Variants in ZC4H2 observed in about 807,000 individuals in gnomAD.
ZC4H2 encodes zinc finger C4H2 domain-containing protein.
For synonymous variants in ZC4H2, 84 were observed against 66.3 expected (o/e 1.27, Z -1.30); for missense variants, 137 against 173.9 (o/e 0.79, Z 1.19).
intron 1 of ZC4H2, among the ~76,000 whole-genome samples, chrX:65,017,640 C>T (rs1238436404): frequency 8.9e-6 from 1 of 111,946 alleles, no homozygotes; most frequent in Non-Finnish European, 1.9e-5. Context: ...TGTTTTCCTT[C>T]AGCAGCTGCA....
rs140066074 is a variant in ZC4H2, at chrX:64,939,705, G to A, written c.54-17717C>T. Among the ~76,000 whole-genome samples, 8 of 112,068 alleles carry A rather than the reference G, an allele frequency of 7.1e-5. No individual in the cohort carries two copies. The East Asian group carries it at 2.2e-3, about 31-fold the overall frequency. On this transcript the variant is annotated intron_variant, in intron 1 of 4. Coordinates refer to ENST00000374839, the MANE Select transcript of ZC4H2 (RefSeq NM_018684.4). ...GAAAGGATTCCCTATTTAATAAATG[G>A]TGTTGGCAAAACTGGCTAGCCAGAT...
At chrX:64,958,453 C>A (rs752310487) in intron 1 of ZC4H2, among the ~76,000 whole-genome samples, 1 of 111,295 alleles carries the variant, frequency 9.0e-6, no homozygotes. Flanking sequence ...TTATATTGGC[C>A]AATTTCCAAA....
At position 64,944,973 on chromosome X, in the gene ZC4H2, T is replaced by C. The variant is rs772348916; in HGVS notation, c.54-22985A>G. Among the ~76,000 whole-genome samples, 4 of 112,611 alleles carry C rather than the reference T, an allele frequency of 3.6e-5. No homozygotes were observed. The East Asian group carries it at 1.1e-3, about 32-fold the overall frequency. On this transcript the variant is annotated intron_variant, in intron 1 of 4. Transcript: ENST00000374839. Reference sequence around the variant, plus strand: ...TAAACTGGTTATTCTAGTTAGCAGTTCTTGTCAACTTTTATAAAATTTCTT... The same window carrying C: ...TAAACTGGTTATTCTAGTTAGCAGTCCTTGTCAACTTTTATAAAATTTCTT...
Position 65,021,093 on chromosome X carries a change from C to T in ZC4H2, c.-272+13536G>A, listed in dbSNP as rs6624749. On this transcript the variant is annotated intron_variant, in intron 1 of 4. Coordinates refer to the ZC4H2 transcript ENST00000337990. Reference sequence around the variant, plus strand: ...ATAATAGTGGGAGATTTTAACACCCCACTGTCAATATTAGACAGATCAATG... The same window carrying T: ...ATAATAGTGGGAGATTTTAACACCCTACTGTCAATATTAGACAGATCAATG... Among the ~76,000 whole-genome samples the T allele has an allele frequency of 2.1e-4, 23 of 110,583 alleles. No individual in the cohort carries two copies. The East Asian group carries it at 5.4e-3, about 26-fold the overall frequency.
At chrX:64,970,552 G>C (rs1931747787) in intron 1 of ZC4H2, among the ~76,000 whole-genome samples, 1 of 110,599 alleles carries the variant, frequency 9.0e-6, no homozygotes, top group African/African-American at 3.3e-5. Context: ...AAGGAAGGGA[G>C]GATATCAATT....
At chrX:65,018,427 G>T (rs1932811825) in intron 1 of ZC4H2, among the ~76,000 whole-genome samples, 1 of 112,228 alleles carries the variant, frequency 8.9e-6, no homozygotes, top group Non-Finnish European at 1.9e-5. Flanking sequence ...AGCACAAAGG[G>T]TTGGTGGATT....
chrX:64,974,645 GA>G (rs1931883290), intron 1 of ZC4H2, among the ~76,000 whole-genome samples: 2 of 111,506 alleles, frequency 1.8e-5, no homozygotes, highest in Non-Finnish European at 3.8e-5. Context: ...GTTTAGAGGT[GA>G]AAGTTTGGCC....
intron 1 of ZC4H2, among the ~76,000 whole-genome samples, chrX:65,027,691 G>A (rs780789715): frequency 1.8e-5 from 2 of 111,421 alleles, no homozygotes; most frequent in East Asian, 5.7e-4. Context: ...TCCACTCTTG[G>A]GATTAGATCA....
chrX:65,007,008 C>G (rs776295701), intron 1 of ZC4H2, among the ~76,000 whole-genome samples: 3 of 111,774 alleles, frequency 2.7e-5, no homozygotes, highest in Non-Finnish European at 3.8e-5. Flanking sequence ...TTTAAACCAG[C>G]TATACTTTAC....
At chrX:64,975,201 T>C (rs772379474) in intron 1 of ZC4H2, among the ~76,000 whole-genome samples, 16 of 109,567 alleles carry the variant, frequency 1.5e-4, no homozygotes, top group Admixed American at 6.8e-4. Context: ...TGAGCAAAAG[T>C]AGGTCAAAGG....
chrX:64,990,839 C>T (rs772567588), intron 1 of ZC4H2, among the ~76,000 whole-genome samples: 10 of 111,595 alleles, frequency 9.0e-5, no homozygotes, highest in Admixed American at 7.6e-4. Flanking sequence ...AAACAATATG[C>T]CTTCTCTCCT....
chrX:65,016,089 A>C (rs1932795472), intron 1 of ZC4H2, among the ~76,000 whole-genome samples: 1 of 111,817 alleles, frequency 8.9e-6, no homozygotes, highest in Non-Finnish European at 1.9e-5. Flanking sequence ...TCTATAAATA[A>C]ATATATTAAT....
At chrX:64,932,784 A>C (rs1929817772) in intron 1 of ZC4H2, among the ~76,000 whole-genome samples, 1 of 110,913 alleles carries the variant, frequency 9.0e-6, no homozygotes, top group Non-Finnish European at 1.9e-5. Flanking sequence ...ACAGCTCTTA[A>C]AATTATGTTT....
intron 1 of ZC4H2, among the ~76,000 whole-genome samples, chrX:65,020,167 A>G (rs1481483793): frequency 8.9e-6 from 1 of 111,947 alleles, no homozygotes; most frequent in Admixed American, 9.5e-5. Context: ...CCAACATTCA[A>G]ATTCGGAAAA....
chrX:64,926,664 T>A (rs180711849), intron 1 of ZC4H2, among the ~76,000 whole-genome samples: 1 of 112,493 alleles, frequency 8.9e-6, no homozygotes, highest in East Asian at 2.8e-4. Context: ...CATCCATATA[T>A]CCTTTTCTAT....
chrX:65,014,420 C>T (rs1343703853), intron 1 of ZC4H2, among the ~76,000 whole-genome samples: 1 of 111,593 alleles, frequency 9.0e-6, no homozygotes, highest in Non-Finnish European at 1.9e-5. Flanking sequence ...GGTGTCATTC[C>T]AAGAACAGCA....
intron 1 of ZC4H2, among the ~76,000 whole-genome samples, chrX:65,022,019 T>C (rs1477277871): frequency 9.0e-6 from 1 of 111,637 alleles, no homozygotes; most frequent in African/African-American, 3.3e-5. Context: ...AGTCCTGAAA[T>C]TGAGGCAGGA....
At chrX:65,003,483 T>C (rs909615859) in intron 1 of ZC4H2, among the ~76,000 whole-genome samples, 1 of 111,471 alleles carries the variant, frequency 9.0e-6, no homozygotes, top group Non-Finnish European at 1.9e-5. Flanking sequence ...AAAAAATCAA[T>C]GAATGAAGAA....
intron 1 of ZC4H2, among the ~76,000 whole-genome samples, chrX:64,967,624 T>A (rs1399334075): frequency 8.9e-6 from 1 of 111,837 alleles, no homozygotes; most frequent in Non-Finnish European, 1.9e-5. Flanking sequence ...AGTGGCCCTT[T>A]AAAACCCTCC....
Sources: allele counts gnomAD v4.1 joint callset (sites outside exome capture counted in the v4.1 genomes callset), GRCh38; gene constraint gnomAD v4.1.1; transcripts MANE v1.5; gene names NCBI Gene and HGNC (gene_info 2026-07-23, HGNC 2026-07-21).